The following VRK3 variants were observed in gnomAD, a reference collection of about 807,000 sequenced individuals.
The protein encoded by VRK3 is serine/threonine-protein kinase VRK3.
VRK3 carries 50 observed loss-of-function variants against 60.4 expected under a neutral mutation model. The observed-to-expected ratio is 0.83, with a 90% confidence interval of 0.66 to 1.05. VRK3 has a LOEUF of 1.05. VRK3 is among the 50% of genes least tolerant of loss of function. The pLI is 0.00. For missense variants in VRK3, 549 were observed against 585.3 expected (o/e 0.94, Z 0.64); for synonymous variants, 246 against 227.8 (o/e 1.08, Z -0.72).
At chr19:49,984,397 A>G (rs1766725303) in intron 12 of VRK3, among the ~76,000 whole-genome samples, 1 of 152,064 alleles carries the variant, frequency 6.6e-6, no homozygotes, top group Admixed American at 6.6e-5. Flanking sequence ...CAGGTCAGGC[A>G]TCTCCCAGGT....
intron 2 of VRK3, among the ~76,000 whole-genome samples, chr19:50,017,492 T>C (rs1352018578): frequency 1.4e-5 from 2 of 143,850 alleles, no homozygotes; most frequent in Admixed American, 1.5e-4. Flanking sequence ...GAGAATCACT[T>C]GAACCCGGGA....
intron 2 of VRK3, among the ~76,000 whole-genome samples, chr19:50,018,382 T>C (rs2077110770): frequency 6.6e-6 from 1 of 152,212 alleles, no homozygotes; most frequent in Admixed American, 6.5e-5. Context: ...CTATTTCCTC[T>C]AGGTACTGAC....
intron 12 of VRK3, among the ~76,000 whole-genome samples, chr19:49,984,174 C>T (rs965049444): frequency 6.6e-6 from 1 of 152,082 alleles, no homozygotes; most frequent in Non-Finnish European, 1.5e-5. Flanking sequence ...AAGACTCAAC[C>T]GAGGGGAGCC....
chr19:50,023,330 T>C (rs1360713321), intron 1 of VRK3, among the ~76,000 whole-genome samples: 2 of 152,222 alleles, frequency 1.3e-5, no homozygotes, highest in African/African-American at 2.4e-5. Flanking sequence ...GGATTACAGA[T>C]GCGTGTCACC....
intron 8 of VRK3, 50 bp downstream of exon 8, chr19:49,995,141 G>A: frequency 1.3e-6 from 2 of 1,585,682 alleles, no homozygotes; most frequent in Non-Finnish European, 1.7e-6. Flanking sequence ...GTCACAACAG[G>A]AAGAAGAGGA....
intron 10 of VRK3, 39 bp downstream of exon 10, chr19:49,992,821 C>T: frequency 6.3e-7 from 1 of 1,594,184 alleles, no homozygotes; most frequent in Non-Finnish European, 8.6e-7. Flanking sequence ...GGAACCTGAG[C>T]CCAGAGATCT....
chr19:50,015,421 G>A (rs2077059919), intron 3 of VRK3, among the ~76,000 whole-genome samples: 1 of 151,980 alleles, frequency 6.6e-6, no homozygotes, highest in South Asian at 2.1e-4. Flanking sequence ...CAATTCTCCT[G>A]CCTCAGACTC....
rs937585938 is a variant in VRK3 at position 49,994,839 on chromosome 19, G to T, written c.845C>A (p.Ser282Tyr). ...CAGCCGGCAGGCCACCTGCAGCACA[G>T]ACCTCTCTGACAGCACATGCTTTGG... ...VSPKHVLSER[S>Y]VLQVACRLLD... Residue 282 changes from serine to tyrosine, a missense_variant, in exon 9 of 15, where the codon TCT becomes TAT. Physicochemically the swap from Ser to Tyr is moderately radical, Grantham distance 144 (BLOSUM62 -2). Coordinates refer to ENST00000316763, the MANE Select transcript of VRK3 (RefSeq NM_016440.4). 1 of 1,614,074 alleles carries T rather than the reference G, an allele frequency of 6.2e-7. No individual in the cohort carries two copies. The highest frequency in any genetic ancestry group is 1.7e-5 in the Admixed American group (1 of 60,012).
chr19:50,009,973 A>G (rs1177120920), intron 3 of VRK3, among the ~76,000 whole-genome samples: 1 of 152,014 alleles, frequency 6.6e-6, no homozygotes, highest in Non-Finnish European at 1.5e-5. Flanking sequence ...TCTATCTTCC[A>G]GTTAACTAAT....
At position 49,997,757 on chromosome 19, in the gene VRK3, C is replaced by T. The variant is rs1035721835; in HGVS notation, c.613-187G>A. 5.3e-6 allele frequency: 3 copies of T among 568,294 alleles called. No homozygotes were observed. In the African/African-American group the frequency reaches 5.7e-5, roughly 11 times the overall value. 35.2% of individuals were successfully genotyped at this position (568,294 alleles called of 1,614,324 possible). A position where few individuals can be genotyped will look rare whatever the true frequency, so the allele number is the denominator to read the frequency against. ...AGACTGCGAGCTACCTTGCTGTACC[C>T]AGGTTCCTTTTCTTTCTCTTATGGT... On this transcript the variant is annotated intron_variant, in intron 6 of 14. Coordinates refer to ENST00000316763, the MANE Select transcript of VRK3 (RefSeq NM_016440.4).
intron 12 of VRK3, chr19:49,981,216 C>T (rs1367061493): frequency 1.5e-5 from 9 of 605,814 alleles, no homozygotes; most frequent in Admixed American, 5.3e-5. Flanking sequence ...GCACTGCTTC[C>T]TGCAAGCCTC....
chr19:50,003,374 T>C (rs1384951842), intron 5 of VRK3, among the ~76,000 whole-genome samples: 2 of 152,206 alleles, frequency 1.3e-5, no homozygotes, highest in Non-Finnish European at 2.9e-5. Context: ...CACAGGAAAC[T>C]AACACAAGCC....
chr19:49,994,387 T>G (rs538950864), intron 9 of VRK3, among the ~76,000 whole-genome samples: 7 of 152,204 alleles, frequency 4.6e-5, no homozygotes, highest in Non-Finnish European at 8.8e-5. Flanking sequence ...TTAATGGGGA[T>G]GAATGAATGA....
intron 6 of VRK3, chr19:49,999,831 A>G (rs1436686180): frequency 2.0e-5 from 3 of 152,296 alleles, no homozygotes; most frequent in Non-Finnish European, 4.4e-5. Context: ...TACAGTAGTA[A>G]TAACAGGAAC....
rs8103900 is a variant in VRK3 at position 50,016,028 on chromosome 19, G to C, written c.135C>G (p.Phe45Leu). 10 of 1,614,138 alleles carry C rather than the reference G, an allele frequency of 6.2e-6. No individual in the cohort carries two copies. Among genetic ancestry groups the C allele is most frequent in the Non-Finnish European group, 7.6e-6 (9 of 1,180,020 alleles). Residue 45 changes from phenylalanine to leucine, a missense_variant, in exon 3 of 15, where the codon TTC (phenylalanine) becomes TTG (leucine). Coordinates refer to ENST00000316763, the MANE Select transcript of VRK3 (RefSeq NM_016440.4). ...QTFVNPHVSS[F>L]QGSKRGLNSS... Reference sequence around the variant, plus strand: ...GCTCAATGCTCTGGTTCTTACCTTGGAAGGATGACACATGTGGATTGACAA... The same window carrying C: ...GCTCAATGCTCTGGTTCTTACCTTGCAAGGATGACACATGTGGATTGACAA...
intron 5 of VRK3, chr19:50,001,426 T>A (rs1048238841): frequency 1.3e-5 from 2 of 152,534 alleles, no homozygotes; most frequent in African/African-American, 4.8e-5. Flanking sequence ...AGTGACTGAT[T>A]GAGGTGGACA....
chr19:49,981,925 C>T, intron 12 of VRK3: 1 of 767,962 alleles, frequency 1.3e-6, no homozygotes, highest in Admixed American at 3.2e-5. Flanking sequence ...TTCAGGAGGT[C>T]ATGCTGTGCC....
rs1467984117 is a variant in VRK3 at position 50,025,319 on chromosome 19, G to A, written c.-117C>T. On this transcript the variant is annotated 5_prime_UTR_variant, in exon 1 of 15. Coordinates refer to ENST00000316763, the MANE Select transcript of VRK3 (RefSeq NM_016440.4). ...TCTGGGCTTCTGCAGCCTGACCCTCGGATCCTCCGCAGTTACCCGGACTCA... is the reference window on the plus strand; with the variant it reads ...TCTGGGCTTCTGCAGCCTGACCCTCAGATCCTCCGCAGTTACCCGGACTCA... The A allele has an allele frequency of 6.6e-6, 1 of 152,292 alleles. No individual in the cohort carries two copies. Among genetic ancestry groups the A allele is most frequent in the African/African-American group, 2.4e-5 (1 of 41,450 alleles). The allele number at this position is 152,292 out of a possible 1,614,324, so 9.4% of individuals were successfully genotyped here.
At chr19:50,011,643 C>T (rs965174284) in intron 3 of VRK3, among the ~76,000 whole-genome samples, 3 of 151,468 alleles carry the variant, frequency 2.0e-5, no homozygotes, top group African/African-American at 7.2e-5. Context: ...AGAAATGTTC[C>T]TCACTCCTCC....
Sources: allele counts gnomAD v4.1 joint callset (sites outside exome capture counted in the v4.1 genomes callset), GRCh38; gene constraint gnomAD v4.1.1; transcripts MANE v1.5; gene names NCBI Gene and HGNC (gene_info 2026-07-23, HGNC 2026-07-21).